The following VWF variants were observed in gnomAD, a reference collection of about 807,000 sequenced individuals.
The protein encoded by VWF is von Willebrand factor.
In VWF, 176 loss-of-function variants were observed where a neutral mutation model predicts 308.6. That is an observed-to-expected ratio of 0.57 (90% CI 0.50 to 0.65). The LOEUF (loss-of-function observed/expected upper bound fraction) is 0.65. Ranked by LOEUF, VWF falls within the 30% of genes least tolerant of loss-of-function variation. The pLI is 0.00. For synonymous variants in VWF, 1,385 were observed against 1,443.4 expected (o/e 0.96, Z 0.92); for missense variants, 3,146 against 3,648.2 (o/e 0.86, Z 3.55).
rs1299173267 is a variant in VWF, at chr12:6,019,461, C to T, written c.3957G>A (p.Val1319=). ...ISQKWVRVAV[V]EYHDGSHAYI... ...AGGCGTGGGAGCCGTCGTGGTACTC[C>T]ACCACGGCCACGCGGACCCACTTCT... The change falls in exon 28 of 52, where the codon GTG becomes GTA. Residue 1319 remains valine (V), a synonymous_variant. Coordinates refer to ENST00000261405, the MANE Select transcript of VWF (RefSeq NM_000552.5). The surrounding 1 kb of genome is among the most constrained non-coding windows in gnomAD (Gnocchi z 5.8). The T allele has an allele frequency of 5.0e-6, 8 of 1,613,926 alleles. No individual in the cohort carries two copies. Among genetic ancestry groups the T allele is most frequent in the East Asian group, 2.2e-5 (1 of 44,864 alleles).
At chr12:5,964,129 A>G (rs138082579) in intron 47 of VWF, among the ~76,000 whole-genome samples, 2,586 of 152,062 alleles carry the variant, frequency 0.017, 37 homozygotes, top group African/African-American at 0.039. Flanking sequence ...AGGCAGGAGA[A>G]TGGCGTGAAC....
chr12:6,001,956 A>T (rs1355754262), intron 34 of VWF, among the ~76,000 whole-genome samples: 10 of 152,098 alleles, frequency 6.6e-5, no homozygotes, highest in African/African-American at 2.4e-4. Context: ...ACACTTGGAA[A>T]TTTTTTTAAT....
chr12:6,064,429 A>G (rs781643022), intron 11 of VWF, 45 bp from the exon 12 acceptor site: 3 of 1,611,334 alleles, frequency 1.9e-6, no homozygotes, highest in Non-Finnish European at 2.5e-6. Flanking sequence ...CCCCCTGCCT[A>G]TCCAGCTCCC....
chr12:6,072,575 C>T (rs553113895), intron 8 of VWF, 133 bp from the exon 9 acceptor site: 4 of 747,748 alleles, frequency 5.3e-6, no homozygotes, highest in Non-Finnish European at 9.4e-6. Context: ...TGGTGTTTAT[C>T]TTTCACATAA....
intron 5 of VWF, among the ~76,000 whole-genome samples, chr12:6,108,680 A>G (rs1163705752): frequency 6.6e-6 from 1 of 151,932 alleles, no homozygotes. Context: ...AGTTACAAAT[A>G]GGTAACTTTA....
chr12:6,057,758 G>A (rs1944603994), intron 14 of VWF, 91 bp downstream of exon 14: 3 of 1,439,024 alleles, frequency 2.1e-6, no homozygotes, highest in Non-Finnish European at 1.8e-6. Context: ...CCCGCCCTCC[G>A]CGGTGGGAGC....
chr12:5,977,597 C>T (rs1385594521), intron 42 of VWF, among the ~76,000 whole-genome samples: 1 of 152,030 alleles, frequency 6.6e-6, no homozygotes, highest in Non-Finnish European at 1.5e-5. Context: ...AGGCTGGGCA[C>T]GGTGGCTGAT....
chr12:6,044,510 A>T, intron 17 of VWF, 59 bp from the exon 18 acceptor site: 1 of 1,578,668 alleles, frequency 6.3e-7, no homozygotes, highest in Non-Finnish European at 8.6e-7. Context: ...CCTACCTTCC[A>T]CACTGTCCTT....
intron 17 of VWF, among the ~76,000 whole-genome samples, chr12:6,045,045 T>C (rs1362885937): frequency 6.6e-6 from 1 of 152,236 alleles, no homozygotes; most frequent in Non-Finnish European, 1.5e-5. Context: ...TCTGATATAC[T>C]ACACATCTCA....
At chr12:6,112,827 G>GACACACAGACAC (rs780881177) in intron 3 of VWF, among the ~76,000 whole-genome samples, 15 of 145,154 alleles carry the variant, frequency 1.0e-4, no homozygotes, top group African/African-American at 3.5e-4. Context: ...CAGACACACA[G>GACACACAGACAC]ACACACACAC....
At chr12:6,034,890 C>T in intron 19 of VWF, 64 bp from the exon 20 acceptor site, 1 of 1,599,560 alleles carries the variant, frequency 6.3e-7, no homozygotes, top group South Asian at 1.1e-5. Flanking sequence ...CCATCTGGGC[C>T]ATGGAGGCAA....
At chr12:6,107,587 G>T (rs548737314) in intron 5 of VWF, among the ~76,000 whole-genome samples, 75 of 152,214 alleles carry the variant, frequency 4.9e-4, no homozygotes, top group Admixed American at 3.9e-4. Flanking sequence ...CAGACAGATT[G>T]AAGGCAAAAA....
intron 14 of VWF, among the ~76,000 whole-genome samples, chr12:6,057,480 T>TTTATTATTA (rs10667650): frequency 0.049 from 6,396 of 129,478 alleles, 181 homozygotes; most frequent in East Asian, 0.077. Context: ...GCCCGGCAAA[T>TTTATTATTA]TTATTATTAT....
chr12:6,072,381 G>C lies in VWF; in HGVS notation c.1059C>G (p.Ser353=), dbSNP rs767726061. Residue 353 remains serine, a synonymous_variant, in exon 9 of 52, where the codon TCC becomes TCG. Transcript: ENST00000261405. The part of the protein sequence containing the change: ...VESTECPCVH[S]GKRYPPGTSL... ...AGGTGCCGGGAGGGTAGCGCTTTCC[G>C]GAATGCACGCAGGGACACTCGGTGC... is the stretch of plus-strand genomic sequence containing the variant. 1 of 1,614,068 alleles carries C rather than the reference G, an allele frequency of 6.2e-7. No individual in the cohort carries two copies. Among genetic ancestry groups the C allele is most frequent in the Non-Finnish European group, 8.5e-7 (1 of 1,180,030 alleles).
In VWF at chr12:6,019,669, G is replaced by C. The variant is rs144691240; in HGVS notation, c.3749C>G (p.Ala1250Gly). The change falls in exon 28 of 52, where the codon GCC (alanine) becomes GGC (glycine). Residue 1250 changes from alanine (A) to glycine (G), a missense_variant. Around this residue, in one of 3 missense-constraint regions of VWF, gnomAD observed 853 missense variants for 1,177.8 expected, o/e 0.72. Transcript: ENST00000261405. The surrounding 1 kb of genome is among the most constrained non-coding windows in gnomAD (Gnocchi z 5.8). Reference protein sequence around the residue: ...PGGLVVPPTDAPVSPTTLYVE... With the variant: ...PGGLVVPPTDGPVSPTTLYVE... ...ATACAGAGTGGTGGGGCTCACCGGG[G>C]CATCTGTGGGAGGCACCACCAGGCC... The C allele has an allele frequency of 2.6e-4, 422 of 1,613,726 alleles. No individual in the cohort carries two copies. Among genetic ancestry groups the C allele is most frequent in the Non-Finnish European group, 3.2e-4 (373 of 1,179,844 alleles).
intron 20 of VWF, among the ~76,000 whole-genome samples, chr12:6,032,857 C>T (rs905206740): frequency 7.3e-5 from 10 of 137,584 alleles, no homozygotes; most frequent in African/African-American, 2.8e-4. Flanking sequence ...GATGCACACA[C>T]ATACACCCAT....
intron 32 of VWF, among the ~76,000 whole-genome samples, chr12:6,012,617 G>C (rs1171265164): frequency 6.6e-6 from 1 of 151,814 alleles, no homozygotes. Context: ...GTAGCTTTAT[G>C]CAGGTTTTGA....
chr12:5,980,198 GTGAC>G (rs1943588451), intron 42 of VWF, among the ~76,000 whole-genome samples: 1 of 95,924 alleles, frequency 1.0e-5, no homozygotes, highest in African/African-American at 4.0e-5. Context: ...AAGGAAGGAA[GTGAC>G]GTAGGTAGGT....
In VWF at chr12:6,044,383, C is replaced by T. The variant is rs1247993965; in HGVS notation, c.2350G>A (p.Glu784Lys). The change falls in exon 18 of 52, where the codon GAA (glutamate) becomes AAA (lysine). Residue 784 changes from glutamate (E) to lysine (K), a missense_variant. Physicochemically the swap from Glu to Lys is moderately conservative, Grantham distance 56 (BLOSUM62 1). This residue lies in a region of VWF where 1,304 missense variants were observed against 1,353.0 expected (regional missense o/e 0.96). Transcript: ENST00000261405. ...CACGTTTTGGTACACTCGAGCCCTT[C>T]AGCCCGCAGGTTGTCAGCGGGACAC... Reference protein sequence around the residue: ...LVCPADNLRAEGLECTKTCQN... With the variant: ...LVCPADNLRAKGLECTKTCQN... The T allele has an allele frequency of 1.2e-6, 2 of 1,614,202 alleles. No homozygotes were observed. The highest frequency in any genetic ancestry group is 8.5e-7 in the Non-Finnish European group (1 of 1,180,032).
Sources: allele counts gnomAD v4.1 joint callset (sites outside exome capture counted in the v4.1 genomes callset), GRCh38; gene constraint gnomAD v4.1.1; regional missense constraint gnomAD v4.1.1; non-coding constraint Gnocchi (gnomAD v3.1); transcripts MANE v1.5; gene names NCBI Gene and HGNC (gene_info 2026-07-23, HGNC 2026-07-21).